Variants in CHST11 observed in about 807,000 individuals in gnomAD.
CHST11 encodes C4S-1.
Under a neutral mutation model 30.4 loss-of-function variants are expected in CHST11, and 9 were observed. That is an observed-to-expected ratio of 0.30 (90% confidence interval 0.18 to 0.52). CHST11 has a LOEUF of 0.52. CHST11 is among the 20% of genes least tolerant of loss of function. CHST11 has a pLI of 0.97. For missense variants in CHST11, 348 were observed against 460.6 expected, an observed-to-expected ratio of 0.76 and a Z score of 2.24; for synonymous variants, 152 against 187.8, an observed-to-expected ratio of 0.81 and a Z score of 1.56.
Position 104,514,894 on chromosome 12 carries a change from G to T in CHST11, c.118+57365G>T, listed in dbSNP as rs12307498. On this transcript the variant is annotated intron_variant, in intron 1 of 2. Coordinates refer to ENST00000303694, the MANE Select transcript of CHST11 (RefSeq NM_018413.6). ...CTGAACTATATCAATGAGTCACTTT[G>T]TGCCTCAGTTTCCTCAGCGGTAAAC... Among the ~76,000 whole-genome samples the T allele has an allele frequency of 8.3e-3, 1,268 of 152,296 alleles. 18 individuals are homozygous for T. Among genetic ancestry groups the T allele is most frequent in the African/African-American group, 0.029 (1,217 of 41,556 alleles).
Position 104,475,672 on chromosome 12 carries a change from A to T in CHST11, c.118+18143A>T, listed in dbSNP as rs1358077675. ...GTAAAGCAGCATTATATATATATAT[A>T]TATATATATATATATATATTTCTGA... On this transcript the variant is annotated intron_variant, in intron 1 of 2. Coordinates refer to ENST00000303694, the MANE Select transcript of CHST11 (RefSeq NM_018413.6). Among the ~76,000 whole-genome samples the T allele has an allele frequency of 1.3e-3, 96 of 76,222 alleles. 3 individuals are homozygous for T. The highest frequency in any genetic ancestry group is 4.8e-3 in the African/African-American group (84 of 17,548). 50.0% of individuals were successfully genotyped at this position (76,222 alleles called of 152,430 possible).
intron 2 of CHST11, among the ~76,000 whole-genome samples, chr12:104,662,433 C>T (rs1358803944): frequency 2.0e-5 from 3 of 152,150 alleles, no homozygotes; most frequent in East Asian, 1.9e-4. Flanking sequence ...CTTATCATTG[C>T]GGTTAGTGAT....
intron 2 of CHST11, among the ~76,000 whole-genome samples, chr12:104,631,888 C>G (rs942492726): frequency 6.6e-6 from 1 of 152,184 alleles, no homozygotes; most frequent in Non-Finnish European, 1.5e-5. Flanking sequence ...CCCAACTTTC[C>G]CGGGAGCTCC....
chr12:104,686,090 G>A (rs2039843422), intron 2 of CHST11, among the ~76,000 whole-genome samples: 2 of 151,938 alleles, frequency 1.3e-5, no homozygotes, highest in Admixed American at 6.6e-5. Context: ...AAAATTAGCT[G>A]GGCATGGTGG....
rs1174209519 is a variant in CHST11, at chr12:104,758,385, C to T, written c.*582C>T. On this transcript the variant is annotated 3_prime_UTR_variant, in exon 3 of 3. Coordinates refer to ENST00000303694, the MANE Select transcript of CHST11 (RefSeq NM_018413.6). ...CCAATTCCAATCGACCTGAAAGTCC[C>T]TTGCACTAAAGAAATGTGATTTTTT... is the stretch of plus-strand genomic sequence containing the variant. The T allele has an allele frequency of 6.6e-6, 1 of 152,044 alleles. No homozygotes were observed. The highest frequency in any genetic ancestry group is 1.5e-5 in the Non-Finnish European group (1 of 67,988). The allele number at this position is 152,044 out of a possible 1,614,324, so 9.4% of individuals were successfully genotyped here. A position where few individuals can be genotyped will look rare whatever the true frequency, so the allele number is the denominator to read the frequency against.
intron 1 of CHST11, among the ~76,000 whole-genome samples, chr12:104,497,482 G>A (rs1389308098): frequency 1.3e-5 from 2 of 152,160 alleles, no homozygotes; most frequent in South Asian, 4.1e-4. Flanking sequence ...AAATTCTGTT[G>A]TGAAAGCCAC....
At chr12:104,578,337 G>A (rs376741882) in intron 1 of CHST11, among the ~76,000 whole-genome samples, 10 of 152,126 alleles carry the variant, frequency 6.6e-5, no homozygotes, top group African/African-American at 1.7e-4. Context: ...TACACCTAAC[G>A]ATAAGTTTTC....
At chr12:104,713,782 A>G (rs2040106955) in intron 2 of CHST11, among the ~76,000 whole-genome samples, 1 of 152,236 alleles carries the variant, frequency 6.6e-6, no homozygotes, top group African/African-American at 2.4e-5. Context: ...CATTGCAGCC[A>G]GGGCTTCCTA....
At chr12:104,521,016 C>G (rs1307175440) in intron 1 of CHST11, among the ~76,000 whole-genome samples, 2 of 152,122 alleles carry the variant, frequency 1.3e-5, no homozygotes, top group South Asian at 4.1e-4. Context: ...TTAGACATGT[C>G]TTTTTTTCCC....
chr12:104,498,269 G>A (rs111231515), intron 1 of CHST11, among the ~76,000 whole-genome samples: 1,990 of 152,114 alleles, frequency 0.013, 42 homozygotes, highest in African/African-American at 0.046. Context: ...AGGGCTGTTA[G>A]GCTTCACCTG....
intron 1 of CHST11, among the ~76,000 whole-genome samples, chr12:104,592,399 C>T (rs1453403577): frequency 6.6e-6 from 1 of 152,162 alleles, no homozygotes; most frequent in East Asian, 1.9e-4. Context: ...GCCCTGCTTT[C>T]TGGTTCATAG....
intron 2 of CHST11, among the ~76,000 whole-genome samples, chr12:104,604,259 G>A (rs1424871902): frequency 6.6e-6 from 1 of 152,274 alleles, no homozygotes; most frequent in African/African-American, 2.4e-5. Context: ...GGGAAACTAG[G>A]GCTGGAGAGC....
intron 1 of CHST11, among the ~76,000 whole-genome samples, chr12:104,535,238 G>A (rs948408737): frequency 6.6e-6 from 1 of 152,166 alleles, no homozygotes; most frequent in African/African-American, 2.4e-5. Context: ...AGATGCCCTC[G>A]TCCTCCTGGA....
intron 2 of CHST11, among the ~76,000 whole-genome samples, chr12:104,717,539 C>T (rs902715188): frequency 4.0e-5 from 6 of 151,838 alleles, no homozygotes; most frequent in Admixed American, 6.6e-5. Context: ...TTTGGGAGGC[C>T]GAGGCAGGGG....
At chr12:104,634,818 C>T (rs968174944) in intron 2 of CHST11, among the ~76,000 whole-genome samples, 5 of 152,164 alleles carry the variant, frequency 3.3e-5, no homozygotes, top group Admixed American at 6.5e-5. Flanking sequence ...CTTAAAAACC[C>T]CACACCTTCA....
In CHST11 at chr12:104,757,164, G is replaced by A. The variant is rs2040484171; in HGVS notation, c.420G>A (p.Gly140=). 6.2e-7 allele frequency: 1 copy of A among 1,614,140 alleles called. No individual in the cohort carries two copies. The highest frequency in any genetic ancestry group is 1.1e-5 in the South Asian group (1 of 91,086). ...AGCGGCTCATGATGGTCCTGACCGG[G>A]CGGGGGAAGTACAGCGACCCCATGG... is the stretch of plus-strand genomic sequence containing the variant. ...NWKRLMMVLT[G]RGKYSDPMEI... is the part of the protein sequence containing the mutation. Residue 140 remains glycine (G), a synonymous_variant, in exon 3 of 3, where the codon GGG becomes GGA. Transcript: ENST00000303694. The surrounding 1 kb of genome is among the most constrained non-coding windows in gnomAD (Gnocchi z 6.5).
chr12:104,464,609 T>A (rs943098203), intron 1 of CHST11, among the ~76,000 whole-genome samples: 2 of 152,092 alleles, frequency 1.3e-5, no homozygotes, highest in Non-Finnish European at 2.9e-5. Context: ...GCTCAAGGGA[T>A]CCTCCTACAT....
rs1027730662 is a variant in CHST11, at chr12:104,537,368, A to C, written c.119-64538A>C. 3.9e-5 allele frequency among the ~76,000 whole-genome samples: 6 copies of C among 152,260 alleles called. No individual in the cohort carries two copies. In the East Asian group the frequency reaches 1.2e-3, roughly 29 times the overall value. On this transcript the variant is annotated intron_variant, in intron 1 of 2. Coordinates refer to ENST00000303694, the MANE Select transcript of CHST11 (RefSeq NM_018413.6). Reference sequence around the variant, plus strand: ...TAGCATTGACCTTGAGATACCCAGCATGTGGCTTTCCACGACATTAGGGGG... The same window carrying C: ...TAGCATTGACCTTGAGATACCCAGCCTGTGGCTTTCCACGACATTAGGGGG...
At chr12:104,601,071 C>T (rs2038953404) in intron 1 of CHST11, among the ~76,000 whole-genome samples, 1 of 151,190 alleles carries the variant, frequency 6.6e-6, no homozygotes, top group African/African-American at 2.4e-5. Context: ...TTCCCTCCTA[C>T]CTTCCTTTTT....
Sources: allele counts gnomAD v4.1 joint callset (sites outside exome capture counted in the v4.1 genomes callset), GRCh38; gene constraint gnomAD v4.1.1; non-coding constraint Gnocchi (gnomAD v3.1); transcripts MANE v1.5; gene names NCBI Gene and HGNC (gene_info 2026-07-23, HGNC 2026-07-21).